STRBP: variants seen among roughly 807,000 people sequenced by gnomAD.
STRBP encodes the protein spermatid perinuclear RNA binding protein, also known as spermatid perinuclear RNA-binding protein.
A neutral mutation model predicts 80.1 loss-of-function variants in STRBP; 13 were observed. The ratio of observed to expected loss-of-function variants is 0.16; its 90% confidence interval spans 0.11 to 0.26. STRBP has a LOEUF of 0.26. Among genes scored for constraint, STRBP ranks in the 10% least tolerant of loss-of-function variants. The pLI is 1.00. For missense variants in STRBP, 485 were observed against 815.2 expected (o/e 0.59, Z 4.93); for synonymous variants, 284 against 291.2 (o/e 0.98, Z 0.25).
chr9:123,239,519 G>A (rs577279903), intron 1 of STRBP, among the ~76,000 whole-genome samples: 7 of 152,254 alleles, frequency 4.6e-5, no homozygotes, highest in African/African-American at 1.7e-4. Context: ...ATTTGTACCT[G>A]ATATCACAAA....
chr9:123,243,304 T>TA (rs1318904336), intron 1 of STRBP, among the ~76,000 whole-genome samples: 1 of 147,890 alleles, frequency 6.8e-6, no homozygotes, highest in Admixed American at 6.7e-5. Flanking sequence ...AGCTTTCATC[T>TA]AAACTTCACA....
At chr9:123,154,960 T>C (rs1476720015) in intron 11 of STRBP, among the ~76,000 whole-genome samples, 1 of 152,192 alleles carries the variant, frequency 6.6e-6, no homozygotes, top group East Asian at 1.9e-4. Context: ...TTTACGCTGA[T>C]GAGAAGCATT....
intron 2 of STRBP, among the ~76,000 whole-genome samples, chr9:123,234,056 C>G (rs1397242584): frequency 6.6e-6 from 1 of 151,836 alleles, no homozygotes; most frequent in Non-Finnish European, 1.5e-5. Context: ...AAAAAATTAG[C>G]CAGGCGTGGT....
At chr9:123,249,549 G>A (rs1392148325) in intron 1 of STRBP, among the ~76,000 whole-genome samples, 1 of 152,144 alleles carries the variant, frequency 6.6e-6, no homozygotes, top group Non-Finnish European at 1.5e-5. Flanking sequence ...GCTGGAGTGG[G>A]AGGATCACTT....
intron 11 of STRBP, among the ~76,000 whole-genome samples, chr9:123,156,772 G>A (rs1022933181): frequency 2.0e-5 from 3 of 151,486 alleles, no homozygotes; most frequent in African/African-American, 7.3e-5. Context: ...CTGGAATTCT[G>A]TCATCTAAAT....
chr9:123,248,868 G>T (rs2040855735), intron 1 of STRBP, among the ~76,000 whole-genome samples: 1 of 152,126 alleles, frequency 6.6e-6, no homozygotes, highest in Non-Finnish European at 1.5e-5. Context: ...CCTTCAGCTA[G>T]ACTATAAACT....
intron 12 of STRBP, 88 bp downstream of exon 12, chr9:123,147,690 A>AC: frequency 1.8e-6 from 2 of 1,129,728 alleles, no homozygotes; most frequent in South Asian, 1.5e-5. Flanking sequence ...AAAAAAAAAA[A>AC]AAAAAAAAAC....
At chr9:123,238,522 C>G (rs1255403531) in intron 1 of STRBP, among the ~76,000 whole-genome samples, 1 of 152,208 alleles carries the variant, frequency 6.6e-6, no homozygotes, top group East Asian at 1.9e-4. Flanking sequence ...TAGCTACTTA[C>G]AAAACCATTA....
intron 4 of STRBP, among the ~76,000 whole-genome samples, chr9:123,176,818 T>C (rs1302370142): frequency 1.3e-5 from 2 of 152,258 alleles, no homozygotes; most frequent in African/African-American, 4.8e-5. Flanking sequence ...CAACCCAATG[T>C]ATTTGAATTT....
chr9:123,266,368 A>C (rs1336071457), intron 1 of STRBP, among the ~76,000 whole-genome samples: 1 of 152,046 alleles, frequency 6.6e-6, no homozygotes, highest in Non-Finnish European at 1.5e-5. Context: ...AGGAGTATGA[A>C]CTTTCAGATA....
intron 4 of STRBP, 71 bp downstream of exon 4, chr9:123,178,936 C>T (rs542581495): frequency 2.3e-5 from 33 of 1,455,692 alleles, no homozygotes; most frequent in Admixed American, 1.7e-4. Flanking sequence ...ATAACACACA[C>T]TCAATCCAGC....
chr9:123,221,283 G>C (rs1377581642), intron 2 of STRBP, among the ~76,000 whole-genome samples: 1 of 152,022 alleles, frequency 6.6e-6, no homozygotes, highest in African/African-American at 2.4e-5. Context: ...CCCACATCTT[G>C]CCACTCACAT....
chr9:123,148,827 A>G (rs774213283), intron 11 of STRBP, among the ~76,000 whole-genome samples: 2 of 152,170 alleles, frequency 1.3e-5, no homozygotes, highest in Non-Finnish European at 2.9e-5. Context: ...AAGGTCAAAG[A>G]TATTTTTTCC....
chr9:123,151,551 T>A (rs940624017), intron 11 of STRBP, among the ~76,000 whole-genome samples: 3 of 152,160 alleles, frequency 2.0e-5, no homozygotes, highest in Admixed American at 2.0e-4. Flanking sequence ...AAATCTTCAT[T>A]TGTCTGCAAA....
chr9:123,137,650 C>T lies in STRBP; in HGVS notation c.1498-1135G>A, dbSNP rs151220296. On this transcript the variant is annotated intron_variant, in intron 14 of 18. Coordinates refer to ENST00000348403, the MANE Select transcript of STRBP (RefSeq NM_018387.5). Reference sequence around the variant, plus strand: ...CTCAAACTCCTGACCTCAGGTGATCCGCCTGCCTCAGCCTCCCAAAGTGCT... The same window carrying T: ...CTCAAACTCCTGACCTCAGGTGATCTGCCTGCCTCAGCCTCCCAAAGTGCT... 4.7e-3 allele frequency among the ~76,000 whole-genome samples: 713 copies of T among 152,212 alleles called. 10 individuals carry two copies. Among genetic ancestry groups the T allele is most frequent in the Middle Eastern group, 6.8e-3 (2 of 294 alleles).
chr9:123,126,371 T>G lies in STRBP; in HGVS notation c.1943-698A>C, dbSNP rs2035894106. On this transcript the variant is annotated intron_variant, in intron 18 of 18. Transcript: ENST00000348403. The surrounding 1 kb of genome is among the most constrained non-coding windows in gnomAD (Gnocchi z 4.4). ...AGCTTTACAAAGGCCAAAAGACATA[T>G]TTACCTTACAGCCAAAATAAAGCAT... is the stretch of plus-strand genomic sequence containing the variant. Among the ~76,000 whole-genome samples the G allele has an allele frequency of 1.3e-5, 2 of 152,218 alleles. No individual in the cohort carries two copies. Among genetic ancestry groups the G allele is most frequent in the African/African-American group, 4.8e-5 (2 of 41,456 alleles).
chr9:123,225,481 C>T (rs2040205989), intron 2 of STRBP, among the ~76,000 whole-genome samples: 1 of 152,186 alleles, frequency 6.6e-6, no homozygotes, highest in African/African-American at 2.4e-5. Flanking sequence ...ACATCTGAAT[C>T]CTCTTTCCTA....
intron 2 of STRBP, among the ~76,000 whole-genome samples, chr9:123,208,145 A>G (rs1438505277): frequency 1.3e-5 from 2 of 151,366 alleles, no homozygotes; most frequent in Non-Finnish European, 2.9e-5. Context: ...GTGGAATGAG[A>G]CATATTCCAA....
At chr9:123,235,063 G>C (rs528629597) in intron 2 of STRBP, among the ~76,000 whole-genome samples, 1 of 150,146 alleles carries the variant, frequency 6.7e-6, no homozygotes, top group South Asian at 2.1e-4. Context: ...ATTACAACCA[G>C]TATTCAAATG....
Sources: gnomAD v4.1 joint callset for allele counts (sites outside exome capture counted in the v4.1 genomes callset) on GRCh38, gnomAD v4.1.1 for gene constraint, Gnocchi (gnomAD v3.1) non-coding constraint, MANE v1.5 for transcripts, NCBI Gene and HGNC (gene_info 2026-07-23, HGNC 2026-07-21) for gene names.